RYR1: variants seen among roughly 807,000 people sequenced by gnomAD.
The protein encoded by RYR1 is central core disease of muscle.
Under a neutral mutation model 583.5 loss-of-function variants are expected in RYR1, and 342 were observed. That is an observed-to-expected ratio of 0.59 (90% confidence interval 0.54 to 0.64). The LOEUF (loss-of-function observed/expected upper bound fraction) is 0.64. Ranked by LOEUF, RYR1 falls within the 30% of genes least tolerant of loss-of-function variation. The pLI is 0.00. For synonymous variants in RYR1, 2,791 were observed against 2,822.5 expected (o/e 0.99, Z 0.35); for missense variants, 6,032 against 6,917.2 (o/e 0.87, Z 4.54).
At position 38,510,661 on chromosome 19, in the gene RYR1, TC is replaced by T; in HGVS notation, c.9004del (p.Leu3002CysfsTer4). On this transcript the variant is annotated frameshift_variant and splice_region_variant, in exon 60 of 106. Coordinates refer to ENST00000359596, the MANE Select transcript of RYR1 (RefSeq NM_000540.3). LOFTEE classifies it high-confidence loss of function. ...TTATCTCCCCCAACCCGTCTCCAGA[TC>T]CTGCTCCCTTTGATCAACCAGTACT... is the stretch of plus-strand genomic sequence containing the variant. ...HEQEIKFFAK[I>X]LLPLINQYFT... is the part of the protein sequence containing the mutation. The T allele has an allele frequency of 6.2e-7, 1 of 1,613,992 alleles. No individual in the cohort carries two copies. Among genetic ancestry groups the T allele is most frequent in the Non-Finnish European group, 8.5e-7 (1 of 1,179,982 alleles).
At chr19:38,563,266 C>T (rs1029259817) in intron 90 of RYR1, among the ~76,000 whole-genome samples, 1 of 152,184 alleles carries the variant, frequency 6.6e-6, no homozygotes, top group Non-Finnish European at 1.5e-5. Flanking sequence ...GGTAACACTA[C>T]GGTGTTGTTG....
intron 95 of RYR1, among the ~76,000 whole-genome samples, 195 bp downstream of exon 95, chr19:38,572,465 C>T (rs148196019): frequency 2.0e-5 from 3 of 152,116 alleles, no homozygotes; most frequent in African/African-American, 7.2e-5. Context: ...CCAGTAAGGA[C>T]GACATTCAGA....
chr19:38,518,198 A>G (rs1045256012), intron 66 of RYR1, among the ~76,000 whole-genome samples: 1 of 151,656 alleles, frequency 6.6e-6, no homozygotes, highest in African/African-American at 2.4e-5. Context: ...GAAGGAAAGA[A>G]GGAAGGAAGG....
chr19:38,490,675 C>A lies in RYR1; in HGVS notation c.6070C>A (p.Pro2024Thr). The A allele has an allele frequency of 6.2e-7, 1 of 1,613,914 alleles. No homozygotes were observed. Among genetic ancestry groups the A allele is most frequent in the East Asian group, 2.2e-5 (1 of 44,878 alleles). Reference protein sequence around the residue: ...DGTDEEDCPLPEEIRQDLLDF... With the variant: ...DGTDEEDCPLTEEIRQDLLDF... ...TACAGATGAGGAAGACTGTCCTCTC[C>A]CTGAAGAGATTCGACAGGATTTGCT... The change falls in exon 37 of 106, where the codon CCT becomes ACT. Residue 2024 changes from proline (P) to threonine (T), a missense_variant. Transcript: ENST00000359596.
At chr19:38,576,899 T>A (rs1394132372) in intron 97 of RYR1, among the ~76,000 whole-genome samples, 1 of 152,152 alleles carries the variant, frequency 6.6e-6, no homozygotes, top group Non-Finnish European at 1.5e-5. Flanking sequence ...TTTGTTTTTT[T>A]CTTTGAGACG....
chr19:38,440,356 T>G (rs746093587), intron 1 of RYR1, among the ~76,000 whole-genome samples: 21 of 152,266 alleles, frequency 1.4e-4, no homozygotes, highest in Middle Eastern at 3.4e-3. Flanking sequence ...CTGGCCAACA[T>G]GGCGAAACCT....
In RYR1 at chr19:38,482,573, C is replaced by G. The variant is rs536542667; in HGVS notation, c.4621-454C>G. 2.6e-5 allele frequency among the ~76,000 whole-genome samples: 4 copies of G among 152,208 alleles called. No individual in the cohort carries two copies. In the East Asian group the frequency reaches 7.7e-4, roughly 29 times the overall value. On this transcript the variant is annotated intron_variant, in intron 31 of 105. Transcript: ENST00000359596. ...TCAAGCGATTCTCTCATCTTAGCCT[C>G]CTGAGTAGCTGCAACTACAGATATG...
intron 64 of RYR1, among the ~76,000 whole-genome samples, chr19:38,515,559 T>G (rs959307645): frequency 2.0e-5 from 3 of 152,146 alleles, no homozygotes; most frequent in African/African-American, 7.2e-5. Context: ...TTTGGGAGGC[T>G]GAGGCGGGAA....
intron 5 of RYR1, 91 bp downstream of exon 5, chr19:38,443,887 A>C: frequency 8.2e-7 from 1 of 1,220,664 alleles, no homozygotes; most frequent in Non-Finnish European, 1.2e-6. Flanking sequence ...GGCAAGCATG[A>C]GACTACCCTG....
At chr19:38,487,045 C>A (rs997997367) in intron 34 of RYR1, among the ~76,000 whole-genome samples, 1 of 152,158 alleles carries the variant, frequency 6.6e-6, no homozygotes, top group Non-Finnish European at 1.5e-5. Context: ...ATCCACCTAC[C>A]CATTTATGTA....
intron 29 of RYR1, 49 bp downstream of exon 29, chr19:38,475,499 C>A (rs1297894954): frequency 3.1e-6 from 5 of 1,609,484 alleles, no homozygotes; most frequent in African/African-American, 1.3e-5. Context: ...ATAGCATAGG[C>A]ACTCCTGAAT....
rs1568465251 is a variant in RYR1, at chr19:38,469,140, G to A, written c.3556G>A (p.Gly1186Ser). 2 of 1,614,068 alleles carry A rather than the reference G, an allele frequency of 1.2e-6. No homozygotes were observed. The highest frequency in any genetic ancestry group is 1.1e-5 in the South Asian group (1 of 91,066). The change falls in exon 26 of 106, where the codon GGC (glycine) becomes AGC (serine). Residue 1186 changes from glycine to serine, a missense_variant and splice_region_variant. Physicochemically the swap from Gly to Ser is moderately conservative, Grantham distance 56. Around this residue, in one of 11 missense-constraint regions of RYR1, gnomAD observed 2,627 missense variants for 2,961.3 expected, o/e 0.89. Transcript: ENST00000359596. ...CTTCCGGGAGATTGAGATTGGGGAC[G>A]GTGAGGGCTGAGACCCCTTCACATG... ...TAFREIEIGD[G>S]FLPVCSLGPG...
chr19:38,557,099 G>C (rs1335443335), intron 89 of RYR1, among the ~76,000 whole-genome samples: 1 of 139,282 alleles, frequency 7.2e-6, no homozygotes, highest in Non-Finnish European at 1.5e-5. Context: ...TGTCACCCAG[G>C]CTGGAGTGCA....
rs145567931 is a variant in RYR1 at position 38,505,060 on chromosome 19, C to T, written c.8289C>T (p.His2763=). 5.3e-5 allele frequency: 85 copies of T among 1,614,006 alleles called. 1 individual carries two copies. The highest frequency in any genetic ancestry group is 4.9e-4 in the African/African-American group (37 of 74,872). ...SFINKFAEYT[H]EKWAFDKIQN... The stretch of plus-strand genomic sequence containing the variant: ...TTAACAAGTTTGCGGAGTACACACA[C>T]GAGAAGTGGGCCTTCGACAAGGTTG... The change falls in exon 52 of 106, where the codon CAC becomes CAT. Residue 2763 remains histidine (H), a synonymous_variant. Coordinates refer to ENST00000359596, the MANE Select transcript of RYR1 (RefSeq NM_000540.3).
chr19:38,565,177 G>C lies in RYR1; in HGVS notation c.12843G>C (p.Gly4281=), dbSNP rs1390144594. Residue 4281 remains glycine (G), a synonymous_variant, in exon 91 of 106, where the codon GGG becomes GGC. Transcript: ENST00000359596. This position sits in a 1 kb window ranked among gnomAD's most constrained non-coding sequence, Gnocchi z 4.7. The part of the protein sequence containing the change: ...GAEGAEEGAA[G]LEGTAATAAA... ...AAGGCGCGGAGGAGGGCGCGGCGGG[G>C]CTCGAGGGCACGGCGGCCACGGCGG... is the stretch of plus-strand genomic sequence containing the variant. The C allele has an allele frequency of 4.2e-6, 5 of 1,194,320 alleles. No individual in the cohort carries two copies. Among genetic ancestry groups the C allele is most frequent in the Non-Finnish European group, 4.2e-6 (4 of 961,526 alleles). 74.0% of individuals were successfully genotyped at this position (1,194,320 alleles called of 1,614,324 possible).
intron 71 of RYR1, among the ~76,000 whole-genome samples, chr19:38,526,548 C>T (rs923567780): frequency 1.7e-4 from 26 of 151,694 alleles, no homozygotes; most frequent in Non-Finnish European, 3.5e-4. Context: ...CGTCCTAGAA[C>T]CCCAGTGAAC....
At chr19:38,579,590 C>CAAAAAAAA (rs1236481962) in intron 99 of RYR1, among the ~76,000 whole-genome samples, 1 of 62,236 alleles carries the variant, frequency 1.6e-5, no homozygotes. Flanking sequence ...AACTCCATCT[C>CAAAAAAAA]AAAAAAAAAA....
chr19:38,494,662 C>G, intron 39 of RYR1, 37 bp downstream of exon 39: 1 of 1,612,728 alleles, frequency 6.2e-7, no homozygotes, highest in Non-Finnish European at 8.5e-7. Flanking sequence ...TTGCATATCC[C>G]CTTGGGTAAT....
intron 50 of RYR1, 25 bp from the exon 51 acceptor site, chr19:38,504,723 C>T: frequency 6.2e-7 from 1 of 1,612,970 alleles, no homozygotes; most frequent in Non-Finnish European, 8.5e-7. Flanking sequence ...CGACCTCCTA[C>T]CCCTGCTTCA....
Sources: allele counts gnomAD v4.1 joint callset (sites outside exome capture counted in the v4.1 genomes callset), GRCh38; gene constraint gnomAD v4.1.1; regional missense constraint gnomAD v4.1.1; non-coding constraint Gnocchi (gnomAD v3.1); transcripts MANE v1.5; gene names NCBI Gene and HGNC (gene_info 2026-07-23, HGNC 2026-07-21).